The following MRPS27 variants were observed in gnomAD, a reference collection of about 807,000 sequenced individuals.
MRPS27 encodes the protein small ribosomal subunit protein mS27.
Under a neutral mutation model 48.9 loss-of-function variants are expected in MRPS27, and 43 were observed. That is an observed-to-expected ratio of 0.88 (90% CI 0.69 to 1.13). The LOEUF (loss-of-function observed/expected upper bound fraction) is 1.13. Ranked by LOEUF, MRPS27 falls within the 50% of genes most tolerant of loss-of-function variation. The pLI is 0.00. For synonymous variants in MRPS27, 188 were observed against 171.9 expected, an observed-to-expected ratio of 1.09 and a Z score of -0.73; for missense variants, 467 against 476.3, an observed-to-expected ratio of 0.98 and a Z score of 0.18.
chr5:72,286,469 G>A lies in MRPS27; in HGVS notation c.281+9062C>T, dbSNP rs533936615. 2.0e-5 allele frequency among the ~76,000 whole-genome samples: 3 copies of A among 152,074 alleles called. No individual in the cohort carries two copies. The East Asian group carries it at 5.8e-4, about 29-fold the overall frequency. Reference sequence around the variant, plus strand: ...AAATATAAACTAATTATCAACAAAGGTACAAAGGCAATTTAAAAATAGCCT... The same window carrying A: ...AAATATAAACTAATTATCAACAAAGATACAAAGGCAATTTAAAAATAGCCT... On this transcript the variant is annotated intron_variant, in intron 4 of 10. Coordinates refer to ENST00000261413, the MANE Select transcript of MRPS27 (RefSeq NM_015084.3).
chr5:72,256,236 T>C (rs1748802740), intron 4 of MRPS27, among the ~76,000 whole-genome samples: 1 of 152,246 alleles, frequency 6.6e-6, no homozygotes, highest in Non-Finnish European at 1.5e-5. Context: ...TGAAGTTCTG[T>C]TTTATTCACC....
intron 4 of MRPS27, among the ~76,000 whole-genome samples, chr5:72,280,565 C>G (rs1282509536): frequency 6.6e-6 from 1 of 152,142 alleles, no homozygotes; most frequent in Non-Finnish European, 1.5e-5. Flanking sequence ...TCTTGCACAG[C>G]TTCTAAAAAA....
intron 10 of MRPS27, chr5:72,222,584 T>G (rs1338622652): frequency 6.6e-6 from 1 of 152,256 alleles, no homozygotes; most frequent in Non-Finnish European, 1.5e-5. Context: ...AAGAATGGTA[T>G]GGCAACCTTG....
intron 7 of MRPS27, 73 bp from the exon 8 acceptor site, chr5:72,228,441 A>T (rs1420383873): frequency 3.1e-6 from 3 of 983,140 alleles, no homozygotes; most frequent in Non-Finnish European, 4.7e-6. Context: ...ACTTTCAATG[A>T]CATGAGGAAA....
rs771679386 is a variant in MRPS27 at position 72,221,040 on chromosome 5, T to C, written c.1114A>G (p.Ile372Val). The C allele has an allele frequency of 3.1e-6, 5 of 1,614,218 alleles. No individual in the cohort carries two copies. The highest frequency in any genetic ancestry group is 3.3e-4 in the Middle Eastern group (2 of 6,060). Residue 372 changes from isoleucine (I) to valine (V), a missense_variant, in exon 11 of 11, where the codon ATC becomes GTC. Transcript: ENST00000261413. ...EKLSTCEAED[I>V]ATYEQNLQQW... ...TGCAGATTCTGCTCATAGGTGGCGATGTCCTCTGCTTCACAGGTGGAGAGT... is the reference window on the plus strand; with the variant it reads ...TGCAGATTCTGCTCATAGGTGGCGACGTCCTCTGCTTCACAGGTGGAGAGT...
intron 4 of MRPS27, among the ~76,000 whole-genome samples, chr5:72,248,922 T>C (rs1748583159): frequency 6.6e-6 from 1 of 152,184 alleles, no homozygotes; most frequent in Non-Finnish European, 1.5e-5. Context: ...AAAATACCTC[T>C]GCCTCCCTAG....
At chr5:72,283,339 CA>C (rs1259949161) in intron 4 of MRPS27, among the ~76,000 whole-genome samples, 2 of 152,042 alleles carry the variant, frequency 1.3e-5, no homozygotes, top group Admixed American at 1.3e-4. Flanking sequence ...TAGGAGGTTT[CA>C]AAATGTTCAT....
chr5:72,310,875 A>G (rs1284568789), intron 2 of MRPS27, among the ~76,000 whole-genome samples: 3 of 152,376 alleles, frequency 2.0e-5, no homozygotes, highest in African/African-American at 7.2e-5. Flanking sequence ...CAGTGAAGGC[A>G]TATGATATCA....
intron 4 of MRPS27, among the ~76,000 whole-genome samples, chr5:72,269,106 T>C (rs1749170046): frequency 6.6e-6 from 1 of 152,240 alleles, no homozygotes; most frequent in South Asian, 2.1e-4. Context: ...AATTCAGGAT[T>C]GTTGCATATG....
intron 4 of MRPS27, among the ~76,000 whole-genome samples, chr5:72,266,952 CAG>C (rs1386138959): frequency 6.6e-6 from 1 of 152,120 alleles, no homozygotes; most frequent in Non-Finnish European, 1.5e-5. Context: ...TTTATGGCTG[CAG>C]AGTCCCTAAA....
chr5:72,312,778 G>A (rs990768155), intron 2 of MRPS27, among the ~76,000 whole-genome samples: 1 of 151,646 alleles, frequency 6.6e-6, no homozygotes, highest in Admixed American at 6.6e-5. Context: ...CTGCCACTGC[G>A]CCCGGCTAAT....
intron 4 of MRPS27, among the ~76,000 whole-genome samples, chr5:72,271,830 G>A (rs1749248633): frequency 6.6e-6 from 1 of 152,108 alleles, no homozygotes; most frequent in South Asian, 2.1e-4. Context: ...TTCTGAAACT[G>A]TTAAAAAAGG....
intron 1 of MRPS27, among the ~76,000 whole-genome samples, chr5:72,318,063 A>T (rs1185658386): frequency 6.6e-6 from 1 of 152,160 alleles, no homozygotes; most frequent in Non-Finnish European, 1.5e-5. Flanking sequence ...AAAATCTCCT[A>T]ATATTTTAGT....
intron 2 of MRPS27, among the ~76,000 whole-genome samples, chr5:72,310,051 A>G (rs978981249): frequency 3.9e-5 from 6 of 152,370 alleles, no homozygotes; most frequent in African/African-American, 1.4e-4. Context: ...GGGAGATACA[A>G]ATATGGACTG....
At chr5:72,285,129 T>G (rs1298432384) in intron 4 of MRPS27, among the ~76,000 whole-genome samples, 2 of 152,172 alleles carry the variant, frequency 1.3e-5, no homozygotes, top group Admixed American at 1.3e-4. Flanking sequence ...CCTGCCAACA[T>G]TCTATTCCCT....
chr5:72,241,422 C>T (rs1428714337), intron 4 of MRPS27: 1 of 533,422 alleles, frequency 1.9e-6, no homozygotes, highest in Non-Finnish European at 3.3e-6. Flanking sequence ...CAAATGAACT[C>T]CTTTCTTGGC....
chr5:72,300,936 C>G (rs879359442), intron 2 of MRPS27, among the ~76,000 whole-genome samples: 5 of 152,140 alleles, frequency 3.3e-5, no homozygotes, highest in African/African-American at 4.8e-5. Flanking sequence ...CTCTCAGTCC[C>G]TAGAACAGTT....
Position 72,220,274 on chromosome 5 carries a change from A to G in MRPS27, c.*635T>C, listed in dbSNP as rs916043390. On this transcript the variant is annotated 3_prime_UTR_variant, in exon 11 of 11. Transcript: ENST00000261413. Reference sequence around the variant, plus strand: ...GGTGGCTCACGCCTATCATCCCAGCACTTTGGGAGGCTGAGGCGGGCAGAT... The same window carrying G: ...GGTGGCTCACGCCTATCATCCCAGCGCTTTGGGAGGCTGAGGCGGGCAGAT... 7.8e-5 allele frequency: 12 copies of G among 152,880 alleles called. No homozygotes were observed. Among genetic ancestry groups the G allele is most frequent in the Admixed American group, 5.9e-4 (9 of 15,288 alleles). 9.5% of individuals were successfully genotyped at this position (152,880 alleles called of 1,614,324 possible). A position where few individuals can be genotyped will look rare whatever the true frequency, so the allele number is the denominator to read the frequency against.
In MRPS27 at chr5:72,298,162, C is replaced by T. The variant is rs553110557; in HGVS notation, c.152-460G>A. On this transcript the variant is annotated intron_variant, in intron 2 of 10. Transcript: ENST00000261413. ...AAAGGTCTAACACCCAAAATCTGTA[C>T]GGAACTTAAACAATTCAACAAGCAA... Among the ~76,000 whole-genome samples the T allele has an allele frequency of 3.9e-5, 6 of 152,112 alleles. No individual in the cohort carries two copies. In the South Asian group the frequency reaches 8.3e-4, roughly 21 times the overall value.
Sources: allele counts gnomAD v4.1 joint callset (sites outside exome capture counted in the v4.1 genomes callset), GRCh38; gene constraint gnomAD v4.1.1; transcripts MANE v1.5; gene names NCBI Gene and HGNC (gene_info 2026-07-23, HGNC 2026-07-21).